SEPTIN11: variants seen among roughly 807,000 people sequenced by gnomAD.
SEPTIN11 encodes septin-11.
Under a neutral mutation model 51.4 loss-of-function variants are expected in SEPTIN11, and 25 were observed. That is an observed-to-expected ratio of 0.49 (90% CI 0.35 to 0.68). SEPTIN11 has a LOEUF of 0.68. Among genes scored for constraint, SEPTIN11 ranks in the 30% least tolerant of loss-of-function variants. The pLI, the probability that SEPTIN11 is intolerant of heterozygous loss-of-function variation, is 0.00. For missense variants in SEPTIN11, 381 were observed against 520.8 expected, an observed-to-expected ratio of 0.73 and a Z score of 2.61; for synonymous variants, 174 against 184.1, an observed-to-expected ratio of 0.95 and a Z score of 0.44.
intron 9 of SEPTIN11, among the ~76,000 whole-genome samples, chr4:77,033,408 T>C (rs956668594): frequency 6.6e-6 from 1 of 152,262 alleles, no homozygotes; most frequent in Non-Finnish European, 1.5e-5. Flanking sequence ...AACTTAGTTT[T>C]TCTAATAGTT....
chr4:76,975,396 G>A (rs1446340990), intron 1 of SEPTIN11, among the ~76,000 whole-genome samples: 1 of 152,090 alleles, frequency 6.6e-6, no homozygotes, highest in African/African-American at 2.4e-5. Context: ...ATAGGTTTTT[G>A]TTGCAACTTC....
At chr4:76,985,352 T>G (rs999113677) in intron 1 of SEPTIN11, among the ~76,000 whole-genome samples, 1 of 152,236 alleles carries the variant, frequency 6.6e-6, no homozygotes, top group South Asian at 2.1e-4. Context: ...ACTTGGTGGT[T>G]GTTTGCTGAA....
chr4:77,018,318 C>T (rs572198076), intron 5 of SEPTIN11, among the ~76,000 whole-genome samples: 2 of 151,816 alleles, frequency 1.3e-5, no homozygotes, highest in Non-Finnish European at 2.9e-5. Context: ...GCATGGTGGC[C>T]GGTGCCTGTA....
chr4:77,038,679 T>C, downstream of SEPTIN11: 1 of 1,019,478 alleles, frequency 9.8e-7, no homozygotes, highest in Non-Finnish European at 1.2e-6. Context: ...TACACGTGCT[T>C]ACTGGATAAA....
intron 1 of SEPTIN11, among the ~76,000 whole-genome samples, chr4:76,994,900 C>CTTTTTTTT (rs55728971): frequency 1.8e-5 from 1 of 54,880 alleles, no homozygotes; most frequent in African/African-American, 6.7e-5. Flanking sequence ...CTGTACAAAG[C>CTTTTTTTT]TTTTTTTTTT....
chr4:77,003,241 T>G (rs1724242269), intron 2 of SEPTIN11, among the ~76,000 whole-genome samples: 1 of 152,186 alleles, frequency 6.6e-6, no homozygotes, highest in Non-Finnish European at 1.5e-5. Context: ...ATTGGGCTTC[T>G]GTTGTTGCCT....
chr4:76,995,504 A>G (rs1723647047), intron 1 of SEPTIN11, among the ~76,000 whole-genome samples: 1 of 152,230 alleles, frequency 6.6e-6, no homozygotes, highest in Admixed American at 6.5e-5. Flanking sequence ...CAGCCAGAAC[A>G]CTAGGAGTCC....
At chr4:76,955,651 G>T (rs932049151) in intron 1 of SEPTIN11, among the ~76,000 whole-genome samples, 5 of 152,182 alleles carry the variant, frequency 3.3e-5, no homozygotes, top group African/African-American at 9.7e-5. Context: ...AAGAAAATCT[G>T]CAGACTACTA....
In SEPTIN11 at chr4:77,036,882, A is replaced by C; in HGVS notation, c.*2370A>C. The C allele has an allele frequency of 7.1e-7, 1 of 1,402,972 alleles. No homozygotes were observed. Among genetic ancestry groups the C allele is most frequent in the Non-Finnish European group, 9.2e-7 (1 of 1,085,194 alleles). The allele number at this position is 1,402,972 out of a possible 1,614,324, so 86.9% of individuals were successfully genotyped here. On this transcript the variant is annotated 3_prime_UTR_variant, in exon 10 of 10. Transcript: ENST00000264893. ...ACCTTTGAGATCTTTCTGACTTTTC[A>C]AAATTAGAGAAAGCAAATGGGATGG...
rs13129517 is a variant in SEPTIN11, at chr4:77,007,830, C to T, written c.338+2034C>T. Among the ~76,000 whole-genome samples the T allele has an allele frequency of 9.1e-3, 1,393 of 152,296 alleles. 12 individuals are homozygous for T. The highest frequency in any genetic ancestry group is 0.015 in the Non-Finnish European group (1,008 of 68,028). ...TGACTGTAAAGCCAAATTACTTGTT[C>T]ACAAATTGTTATCTGGACAGGCTCT... On this transcript the variant is annotated intron_variant, in intron 3 of 9. Transcript: ENST00000264893.
At chr4:77,010,749 C>T (rs969083281) in intron 3 of SEPTIN11, among the ~76,000 whole-genome samples, 5 of 152,112 alleles carry the variant, frequency 3.3e-5, no homozygotes, top group East Asian at 1.9e-4. Context: ...CTTGTATCTT[C>T]GGAAAGGCAA....
At chr4:76,994,207 T>C (rs1723539438) in intron 1 of SEPTIN11, among the ~76,000 whole-genome samples, 2 of 152,192 alleles carry the variant, frequency 1.3e-5, no homozygotes, top group Non-Finnish European at 2.9e-5. Flanking sequence ...CCATGGCTTC[T>C]CCTAGCCTGA....
At chr4:77,006,324 C>A (rs1030525401) in intron 3 of SEPTIN11, among the ~76,000 whole-genome samples, 11 of 152,028 alleles carry the variant, frequency 7.2e-5, no homozygotes, top group African/African-American at 2.7e-4. Flanking sequence ...CATTTATAAA[C>A]CATGTAAGTT....
chr4:76,984,059 G>A lies in SEPTIN11; in HGVS notation c.28-12366G>A, dbSNP rs1029279201. On this transcript the variant is annotated intron_variant, in intron 1 of 9. Coordinates refer to ENST00000264893, the MANE Select transcript of SEPTIN11 (RefSeq NM_018243.4). This position sits in a 1 kb window ranked among gnomAD's most constrained non-coding sequence, Gnocchi z 4.1. The stretch of plus-strand genomic sequence containing the variant: ...CTCTTAGGAAGACTTGAGGATTTTG[G>A]CCATAATTGTTTAGTAATATTTGTA... 6.6e-6 allele frequency among the ~76,000 whole-genome samples: 1 copy of A among 152,144 alleles called. No homozygotes were observed. Among genetic ancestry groups the A allele is most frequent in the East Asian group, 1.9e-4 (1 of 5,196 alleles).
At chr4:77,018,856 A>G (rs28587298) in intron 5 of SEPTIN11, among the ~76,000 whole-genome samples, 5,884 of 152,312 alleles carry the variant, frequency 0.039, 156 homozygotes, top group East Asian at 0.096. Flanking sequence ...TCTTGTTCCT[A>G]CAAGCTGTAT....
chr4:77,016,635 T>TATATATATATATATATATAC lies in SEPTIN11; in HGVS notation c.687+1637_687+1638insCATATATATATATATATATA, dbSNP rs1560736322. Among the ~76,000 whole-genome samples the TATATATATATATATATATAC allele has an allele frequency of 9.1e-5, 5 of 54,964 alleles. 1 individual carries two copies. The highest frequency in any genetic ancestry group is 1.8e-4 in the Non-Finnish European group (5 of 27,584). The allele number at this position is 54,964 out of a possible 152,430, so 36.1% of individuals were successfully genotyped here. On this transcript the variant is annotated intron_variant, in intron 5 of 9. Coordinates refer to ENST00000264893, the MANE Select transcript of SEPTIN11 (RefSeq NM_018243.4). ...ATACACATATATATATATATACACA[T>TATATATATATATATATATAC]ATATATATATATATATATATACACA...
intron 1 of SEPTIN11, among the ~76,000 whole-genome samples, chr4:76,989,302 A>G (rs1319911383): frequency 3.3e-5 from 5 of 152,240 alleles, no homozygotes; most frequent in Non-Finnish European, 7.3e-5. Flanking sequence ...AAAAAAATAA[A>G]TTTTAAAGAG....
intron 3 of SEPTIN11, chr4:77,009,630 G>A (rs911925057): frequency 1.1e-4 from 17 of 152,206 alleles, no homozygotes; most frequent in African/African-American, 3.6e-4. Context: ...GTGTTGTTAT[G>A]CTTCTCATTA....
At chr4:76,990,793 G>A (rs1172881390) in intron 1 of SEPTIN11, among the ~76,000 whole-genome samples, 1 of 152,208 alleles carries the variant, frequency 6.6e-6, no homozygotes, top group East Asian at 1.9e-4. Flanking sequence ...ATGTTTCTCA[G>A]AATGTTTCCT....
Sources: gnomAD v4.1 joint callset for allele counts (sites outside exome capture counted in the v4.1 genomes callset) on GRCh38, gnomAD v4.1.1 for gene constraint, Gnocchi (gnomAD v3.1) non-coding constraint, MANE v1.5 for transcripts, NCBI Gene and HGNC (gene_info 2026-07-23, HGNC 2026-07-21) for gene names.